Variants in TRIM71 observed in about 807,000 individuals in gnomAD.
TRIM71 encodes tripartite motif containing 71.
A neutral mutation model predicts 61.2 loss-of-function variants in TRIM71; 9 were observed. The ratio of observed to expected loss-of-function variants is 0.15; its 90% CI spans 0.09 to 0.26. The LOEUF (loss-of-function observed/expected upper bound fraction) is 0.26. Among genes scored for constraint, TRIM71 ranks in the 10% least tolerant of loss-of-function variants. The probability of loss-of-function intolerance (pLI) is 1.00; values close to 1 mark genes in which losing one functional copy is unlikely to be tolerated. For synonymous variants in TRIM71, 645 were observed against 553.2 expected (o/e 1.17, Z -2.33); for missense variants, 998 against 1,238.7 (o/e 0.81, Z 2.92).
chr3:32,891,820 C>T lies in TRIM71; in HGVS notation c.*9C>T, dbSNP rs1195055095. ...GAATCCTCGTCTTCTAATTGCATTT[C>T]CTAGGTTTCTGTGTTTGGGGTGTGT... On this transcript the variant is annotated 3_prime_UTR_variant, in exon 4 of 4. Coordinates refer to ENST00000383763, the MANE Select transcript of TRIM71 (RefSeq NM_001039111.3). The surrounding 1 kb of genome is among the most constrained non-coding windows in gnomAD (Gnocchi z 8.2). 6.2e-7 allele frequency: 1 copy of T among 1,612,908 alleles called. No homozygotes were observed. Among genetic ancestry groups the T allele is most frequent in the South Asian group, 1.1e-5 (1 of 91,000 alleles).
chr3:32,849,718 T>C (rs1476254954), intron 1 of TRIM71, among the ~76,000 whole-genome samples: 1 of 152,230 alleles, frequency 6.6e-6, no homozygotes, highest in Non-Finnish European at 1.5e-5. Flanking sequence ...TAAACAAGCC[T>C]CCTTCCCCTT....
rs1482753842 is a variant in TRIM71 at position 32,865,876 on chromosome 3, C to T, written c.853-7942C>T. Among the ~76,000 whole-genome samples, 5 of 122,822 alleles carry T rather than the reference C, an allele frequency of 4.1e-5. No individual in the cohort carries two copies. In the East Asian group the frequency reaches 1.3e-3, roughly 31 times the overall value. The allele number at this position is 122,822 out of a possible 152,430, so 80.6% of individuals were successfully genotyped here. On this transcript the variant is annotated intron_variant, in intron 1 of 3. Coordinates refer to ENST00000383763, the MANE Select transcript of TRIM71 (RefSeq NM_001039111.3). ...AGTCTGACTTGTTCTGTCACCCAGG[C>T]TGGAGGCAGTGGAGATTTTGGCTCA...
intron 1 of TRIM71, among the ~76,000 whole-genome samples, chr3:32,830,626 CTG>C (rs1219095979): frequency 1.3e-5 from 2 of 152,170 alleles, no homozygotes; most frequent in African/African-American, 4.8e-5. Context: ...AGTCTGGCCT[CTG>C]TCGATATCAG....
At chr3:32,833,455 C>T (rs1348435837) in intron 1 of TRIM71, among the ~76,000 whole-genome samples, 1 of 151,910 alleles carries the variant, frequency 6.6e-6, no homozygotes, top group Non-Finnish European at 1.5e-5. Flanking sequence ...TGTCCTTAAT[C>T]TGCTTCTGAC....
chr3:32,844,252 G>A (rs1231479204), intron 1 of TRIM71, among the ~76,000 whole-genome samples: 1 of 152,090 alleles, frequency 6.6e-6, no homozygotes, highest in African/African-American at 2.4e-5. Flanking sequence ...GTACCTCTGG[G>A]GATTCTAATG....
chr3:32,823,165 C>T (rs1451418226), intron 1 of TRIM71, among the ~76,000 whole-genome samples: 2 of 152,176 alleles, frequency 1.3e-5, no homozygotes, highest in Non-Finnish European at 2.9e-5. Flanking sequence ...AGGAAGCCTA[C>T]TGAATTCAGA....
chr3:32,856,761 CTCATTG>C (rs977571853), intron 1 of TRIM71, among the ~76,000 whole-genome samples: 51 of 152,346 alleles, frequency 3.3e-4, no homozygotes, highest in African/African-American at 1.2e-3. Context: ...GCCTTCTTGG[CTCATTG>C]TCAGTCCTGC....
At chr3:32,831,002 A>G (rs1485244736) in intron 1 of TRIM71, among the ~76,000 whole-genome samples, 3 of 152,026 alleles carry the variant, frequency 2.0e-5, no homozygotes, top group Non-Finnish European at 4.4e-5. Context: ...AGCAGAGACT[A>G]GGTTTCACCA....
At chr3:32,861,083 G>A (rs974298090) in intron 1 of TRIM71, among the ~76,000 whole-genome samples, 1 of 151,986 alleles carries the variant, frequency 6.6e-6, no homozygotes, top group Non-Finnish European at 1.5e-5. Flanking sequence ...GCTGAGGCAG[G>A]AGAATCGCTT....
chr3:32,829,886 C>G (rs1696249647), intron 1 of TRIM71, among the ~76,000 whole-genome samples: 1 of 150,464 alleles, frequency 6.6e-6, no homozygotes, highest in South Asian at 2.1e-4. Context: ...GAAATTAACC[C>G]TTAAAAATCT....
chr3:32,878,869 T>C (rs1343321687), intron 2 of TRIM71, among the ~76,000 whole-genome samples: 1 of 152,220 alleles, frequency 6.6e-6, no homozygotes, highest in Non-Finnish European at 1.5e-5. Context: ...CATTGACTTC[T>C]GTAGCTATGA....
chr3:32,867,172 C>A (rs1156510828), intron 1 of TRIM71, among the ~76,000 whole-genome samples: 1 of 148,604 alleles, frequency 6.7e-6, no homozygotes, highest in Non-Finnish European at 1.5e-5. Context: ...ACTTTTACCA[C>A]CCCCCTCCCC....
chr3:32,863,293 C>G (rs533424948), intron 1 of TRIM71, among the ~76,000 whole-genome samples: 3 of 145,484 alleles, frequency 2.1e-5, no homozygotes, highest in African/African-American at 7.7e-5. Flanking sequence ...ACAGCAGCCT[C>G]GAACTCTTGG....
At chr3:32,834,848 AAG>A (rs1312943833) in intron 1 of TRIM71, among the ~76,000 whole-genome samples, 3 of 152,142 alleles carry the variant, frequency 2.0e-5, no homozygotes, top group Non-Finnish European at 1.5e-5. Context: ...CTCAAAAAAA[AAG>A]GGGATGGTGT....
At chr3:32,872,637 T>C (rs1295315109) in intron 1 of TRIM71, among the ~76,000 whole-genome samples, 1 of 152,174 alleles carries the variant, frequency 6.6e-6, no homozygotes, top group Non-Finnish European at 1.5e-5. Context: ...ACATCCTGGA[T>C]CTCCACCATA....
Position 32,818,006 on chromosome 3 carries a change from C to G in TRIM71, c.-75C>G. 1.4e-6 allele frequency: 2 copies of G among 1,406,058 alleles called. No homozygotes were observed. Among genetic ancestry groups the G allele is most frequent in the South Asian group, 2.4e-5 (2 of 82,638 alleles). The allele number at this position is 1,406,058 out of a possible 1,614,324, so 87.1% of individuals were successfully genotyped here. ...TCTGAGTGAGTCGGTGACTCCCCCACCCACCTCGTCCGCTCTCTCCTCCTC... is the reference window on the plus strand; with the variant it reads ...TCTGAGTGAGTCGGTGACTCCCCCAGCCACCTCGTCCGCTCTCTCCTCCTC... On this transcript the variant is annotated 5_prime_UTR_variant, in exon 1 of 4. Coordinates refer to ENST00000383763, the MANE Select transcript of TRIM71 (RefSeq NM_001039111.3).
intron 1 of TRIM71, among the ~76,000 whole-genome samples, chr3:32,855,989 G>A (rs1433677958): frequency 7.1e-6 from 1 of 139,964 alleles, no homozygotes; most frequent in Non-Finnish European, 1.6e-5. Context: ...TTCTCTAATA[G>A]TTTTATTTAT....
At chr3:32,829,664 G>T (rs1696246560) in intron 1 of TRIM71, among the ~76,000 whole-genome samples, 1 of 144,426 alleles carries the variant, frequency 6.9e-6, no homozygotes, top group Admixed American at 7.0e-5. Flanking sequence ...GTGTGTGCGT[G>T]TGTGTGCATT....
intron 3 of TRIM71, among the ~76,000 whole-genome samples, chr3:32,887,084 C>T (rs1047166730): frequency 1.3e-5 from 2 of 152,118 alleles, no homozygotes; most frequent in African/African-American, 2.4e-5. Flanking sequence ...ATGCCACCCA[C>T]GAATGTTAAT....
Sources: allele counts gnomAD v4.1 joint callset (sites outside exome capture counted in the v4.1 genomes callset), GRCh38; gene constraint gnomAD v4.1.1; non-coding constraint Gnocchi (gnomAD v3.1); transcripts MANE v1.5; gene names NCBI Gene and HGNC (gene_info 2026-07-23, HGNC 2026-07-21).